The following RALYL variants were observed in gnomAD, a reference collection of about 807,000 sequenced individuals.
The protein encoded by RALYL is RALY RNA binding protein like.
A neutral mutation model predicts 35.1 loss-of-function variants in RALYL; 29 were observed. The observed-to-expected ratio is 0.83, with a 90% CI of 0.61 to 1.13. RALYL has a LOEUF of 1.13. Among genes scored for constraint, RALYL ranks in the 50% most tolerant of loss-of-function variants. The pLI, the probability that RALYL is intolerant of heterozygous loss-of-function variation, is 0.00. For synonymous variants in RALYL, 120 were observed against 127.6 expected, an observed-to-expected ratio of 0.94 and a Z score of 0.40; for missense variants, 359 against 360.4, an observed-to-expected ratio of 1.00 and a Z score of 0.03.
At chr8:84,690,087 G>A (rs931237856) in intron 2 of RALYL, among the ~76,000 whole-genome samples, 11 of 152,158 alleles carry the variant, frequency 7.2e-5, no homozygotes, top group Admixed American at 5.2e-4. Context: ...TCTGTTCATT[G>A]CAGCATTATT....
chr8:84,882,283 C>T (rs1315099002), intron 7 of RALYL, among the ~76,000 whole-genome samples: 1 of 151,926 alleles, frequency 6.6e-6, no homozygotes, highest in Non-Finnish European at 1.5e-5. Flanking sequence ...AACAGACACT[C>T]CAAAAGATGC....
intron 1 of RALYL, among the ~76,000 whole-genome samples, chr8:84,194,766 G>A (rs1814804332): frequency 6.6e-6 from 1 of 152,088 alleles, no homozygotes; most frequent in African/African-American, 2.4e-5. Context: ...GTCAGATAGA[G>A]CCTCATCTTT....
intron 1 of RALYL, among the ~76,000 whole-genome samples, chr8:84,338,172 A>G (rs1201623777): frequency 6.6e-6 from 1 of 152,042 alleles, no homozygotes; most frequent in Admixed American, 6.6e-5. Context: ...TTAAAAAAAA[A>G]ACTTTATTTA....
In RALYL at chr8:84,852,443, C is replaced by T. The variant is rs1193091015; in HGVS notation, c.413+2416C>T. ...TTACTATTAAGGAAGGATATCTAGA[C>T]TGTTTTTATACTATTTGAAAATGTT... On this transcript the variant is annotated intron_variant, in intron 5 of 8. Coordinates refer to ENST00000521268, the MANE Select transcript of RALYL (RefSeq NM_173848.7). Among the ~76,000 whole-genome samples, 3 of 152,098 alleles carry T rather than the reference C, an allele frequency of 2.0e-5. No homozygotes were observed. In the East Asian group the frequency reaches 5.8e-4, roughly 29 times the overall value.
Position 84,463,705 on chromosome 8 carries a change from T to C in RALYL, c.-23-65594T>C, listed in dbSNP as rs2051105127. 2.0e-5 allele frequency among the ~76,000 whole-genome samples: 3 copies of C among 152,082 alleles called. No individual in the cohort carries two copies. In the South Asian group the frequency reaches 6.2e-4, roughly 31 times the overall value. ...CTTGCCTTTTCTACTTTCTAATGTG[T>C]TTTGAGAGATTAACATTGAAATATA... On this transcript the variant is annotated intron_variant, in intron 1 of 8. Transcript: ENST00000521268.
Position 84,686,020 on chromosome 8 carries a change from C to T in RALYL, c.257-88559C>T, listed in dbSNP as rs189838335. Among the ~76,000 whole-genome samples, 391 of 152,240 alleles carry T rather than the reference C, an allele frequency of 2.6e-3. 1 individual carries two copies. The highest frequency in any genetic ancestry group is 4.1e-3 in the Admixed American group (62 of 15,282). The stretch of plus-strand genomic sequence containing the variant: ...TTTGTGGTATGTGTGGATTAGGGTA[C>T]ATTTTGTGTATCTCCACTTAGCTTG... On this transcript the variant is annotated intron_variant, in intron 2 of 8. Coordinates refer to ENST00000521268, the MANE Select transcript of RALYL (RefSeq NM_173848.7).
chr8:84,674,283 G>A (rs1382667869), intron 2 of RALYL, among the ~76,000 whole-genome samples: 3 of 152,084 alleles, frequency 2.0e-5, no homozygotes, highest in Non-Finnish European at 4.4e-5. Flanking sequence ...AGCTGAGATG[G>A]TGGGGTTTTC....
At chr8:84,479,264 A>C (rs1461091538) in intron 1 of RALYL, among the ~76,000 whole-genome samples, 1 of 152,088 alleles carries the variant, frequency 6.6e-6, no homozygotes. Flanking sequence ...CAAATGTTAC[A>C]TGAGAATTTC....
chr8:84,394,335 G>A (rs555718748), intron 1 of RALYL, among the ~76,000 whole-genome samples: 1 of 152,028 alleles, frequency 6.6e-6, no homozygotes, highest in Admixed American at 6.6e-5. Context: ...CTAGTACAAT[G>A]ATATTCATGA....
chr8:84,473,483 C>T (rs963308584), intron 1 of RALYL, among the ~76,000 whole-genome samples: 1 of 151,234 alleles, frequency 6.6e-6, no homozygotes, highest in Non-Finnish European at 1.5e-5. Flanking sequence ...TAATCAAATG[C>T]CAATTAAATT....
At chr8:84,366,072 C>A (rs1326279348) in intron 1 of RALYL, among the ~76,000 whole-genome samples, 1 of 152,158 alleles carries the variant, frequency 6.6e-6, no homozygotes, top group East Asian at 1.9e-4. Flanking sequence ...AGTTGTTTAA[C>A]TGGGTCACAT....
chr8:84,696,424 A>G (rs1163389418), intron 2 of RALYL, among the ~76,000 whole-genome samples: 4 of 151,740 alleles, frequency 2.6e-5, no homozygotes, highest in Non-Finnish European at 5.9e-5. Flanking sequence ...TTGTTATACT[A>G]TTTTCCTACA....
intron 1 of RALYL, among the ~76,000 whole-genome samples, chr8:84,237,169 G>A (rs981553199): frequency 1.3e-5 from 2 of 152,198 alleles, no homozygotes; most frequent in African/African-American, 2.4e-5. Flanking sequence ...TACACAGCCA[G>A]TTCCAAAGCC....
chr8:84,443,125 C>A (rs924757381), intron 1 of RALYL, among the ~76,000 whole-genome samples: 2 of 152,108 alleles, frequency 1.3e-5, no homozygotes, highest in African/African-American at 4.8e-5. Context: ...ATTCTTCCTA[C>A]AATTTTATTA....
chr8:84,910,215 A>G (rs1847270174), intron 8 of RALYL, among the ~76,000 whole-genome samples: 1 of 152,098 alleles, frequency 6.6e-6, no homozygotes, highest in African/African-American at 2.4e-5. Flanking sequence ...ATGAATTTCC[A>G]TATGTACATT....
chr8:84,301,548 T>G (rs1244204259), intron 1 of RALYL, among the ~76,000 whole-genome samples: 5 of 152,222 alleles, frequency 3.3e-5, no homozygotes, highest in East Asian at 3.9e-4. Flanking sequence ...AATGACTGTA[T>G]GTTGAAACTC....
At chr8:84,398,733 GA>G (rs1430359667) in intron 1 of RALYL, among the ~76,000 whole-genome samples, 1 of 152,142 alleles carries the variant, frequency 6.6e-6, no homozygotes, top group East Asian at 1.9e-4. Flanking sequence ...CATCACTTTG[GA>G]AGGCCAAAGC....
At chr8:84,561,402 A>C (rs2061459642) in intron 2 of RALYL, among the ~76,000 whole-genome samples, 1 of 151,918 alleles carries the variant, frequency 6.6e-6, no homozygotes, top group South Asian at 2.1e-4. Flanking sequence ...GAGTATGTTT[A>C]AAAATGAGGT....
intron 1 of RALYL, among the ~76,000 whole-genome samples, chr8:84,253,421 A>G (rs1205277099): frequency 6.7e-6 from 1 of 148,762 alleles, no homozygotes; most frequent in Non-Finnish European, 1.5e-5. Context: ...AGGATGGTCT[A>G]CATCTCCCAA....
Sources: allele counts gnomAD v4.1 joint callset (sites outside exome capture counted in the v4.1 genomes callset), GRCh38; gene constraint gnomAD v4.1.1; transcripts MANE v1.5; gene names NCBI Gene and HGNC (gene_info 2026-07-23, HGNC 2026-07-21).